NECAB2: variants seen among roughly 807,000 people sequenced by gnomAD.
The protein encoded by NECAB2 is N-terminal EF-hand calcium-binding protein 2.
NECAB2 carries 68 observed loss-of-function variants against 51.9 expected under a neutral mutation model. The observed-to-expected ratio is 1.31, with a 90% CI of 1.08 to 1.60. The LOEUF is 1.60. Among genes scored for constraint, NECAB2 ranks in the 40% most tolerant of loss-of-function variants. The pLI is 0.00. For synonymous variants in NECAB2, 329 were observed against 203.5 expected (o/e 1.62, Z -5.25); for missense variants, 854 against 490.3 (o/e 1.74, Z -7.00).
rs749491181 is a variant in NECAB2 at position 83,990,623 on chromosome 16, C to G, written c.589C>G (p.Gln197Glu). 5.6e-6 allele frequency: 9 copies of G among 1,614,060 alleles called. No individual in the cohort carries two copies. In the South Asian group the frequency reaches 8.8e-5, roughly 16 times the overall value. ...GGAGGCCATCGAGGAACAGACCAGC[C>G]AGCTCCGGTGAGTCTCTGAGACCCT... The part of the protein sequence containing the change: ...AVEAIEEQTS[Q>E]LRQNHIKPSH... The change falls in exon 6 of 13, where the codon CAG becomes GAG. Residue 197 changes from glutamine to glutamate, a missense_variant. Transcript: ENST00000305202.
At chr16:84,000,847 TGG>T (rs747782849) in intron 11 of NECAB2, 46 bp downstream of exon 11, 4 of 1,384,670 alleles carry the variant, frequency 2.9e-6, no homozygotes, top group South Asian at 2.5e-5. Flanking sequence ...CAGAGGGAAG[TGG>T]GGGGGCTGTC....
chr16:84,000,514 TAATA>T (rs2084808367), intron 10 of NECAB2, among the ~76,000 whole-genome samples: 1 of 152,292 alleles, frequency 6.6e-6, no homozygotes, highest in South Asian at 2.1e-4. Flanking sequence ...TGATTCTATT[TAATA>T]AATAGCTGTT....
intron 11 of NECAB2, 49 bp downstream of exon 11, chr16:84,000,850 G>T (rs777930590): frequency 3.2e-6 from 5 of 1,583,668 alleles, no homozygotes; most frequent in South Asian, 1.1e-5. Flanking sequence ...AGGGAAGTGG[G>T]GGGGCTGTCT....
upstream of NECAB2, among the ~76,000 whole-genome samples, chr16:83,967,533 G>A (rs1422089039): frequency 7.4e-6 from 1 of 135,444 alleles, no homozygotes; most frequent in African/African-American, 2.8e-5. Flanking sequence ...GGATGGATGG[G>A]AGGGAGGGAG....
At chr16:84,002,028 G>A (rs947201190) in intron 12 of NECAB2, 112 bp downstream of exon 12, 2 of 1,245,558 alleles carry the variant, frequency 1.6e-6, no homozygotes, top group Admixed American at 2.0e-5. Flanking sequence ...TGGGCCCACT[G>A]TCAGCTCCTG....
At chr16:83,977,308 G>T (rs1303847188) in intron 2 of NECAB2, among the ~76,000 whole-genome samples, 3 of 152,116 alleles carry the variant, frequency 2.0e-5, no homozygotes, top group Admixed American at 6.5e-5. Flanking sequence ...GAGGAGGGGG[G>T]AGGTGGCTGC....
intron 5 of NECAB2, among the ~76,000 whole-genome samples, chr16:83,989,528 C>T (rs911310422): frequency 6.6e-6 from 1 of 152,136 alleles, no homozygotes; most frequent in African/African-American, 2.4e-5. Context: ...AGGGACTGGG[C>T]AGAAATCCAA....
intron 2 of NECAB2, among the ~76,000 whole-genome samples, chr16:83,973,197 C>T (rs2084367878): frequency 6.6e-6 from 1 of 152,270 alleles, no homozygotes; most frequent in African/African-American, 2.4e-5. Flanking sequence ...CCCCAGGGCC[C>T]TTGGTCCCCA....
rs1419106510 is a variant in NECAB2, at chr16:83,968,722, G to C, written c.74G>C (p.Arg25Pro). ...CTCCGGGAGCCGCCGCAGCAGGGCC[G>C]GGCGCTGGGCGGGCTGCTGCGCTGG... is the stretch of plus-strand genomic sequence containing the variant. ...RLLREPPQQG[R>P]ALGGLLRWVG... The change falls in exon 1 of 13, where the codon CGG (arginine) becomes CCG (proline). Residue 25 changes from arginine to proline, a missense_variant. Physicochemically the swap from Arg to Pro is moderately radical, Grantham distance 103 (BLOSUM62 -2). Transcript: ENST00000305202. 3.9e-6 allele frequency: 4 copies of C among 1,025,772 alleles called. No individual in the cohort carries two copies. The highest frequency in any genetic ancestry group is 4.7e-6 in the Non-Finnish European group (4 of 858,486). 63.5% of individuals were successfully genotyped at this position (1,025,772 alleles called of 1,614,324 possible). A position where few individuals can be genotyped will look rare whatever the true frequency, so the allele number is the denominator to read the frequency against.
chr16:84,002,328 C>T lies in NECAB2; in HGVS notation c.1143C>T (p.Cys381=). Residue 381 remains cysteine, a synonymous_variant, in exon 13 of 13, where the codon TGC becomes TGT. Coordinates refer to ENST00000305202, the MANE Select transcript of NECAB2 (RefSeq NM_019065.3). ...LSRILVPAAW[C]TVGRD ...TCTCTCTCCTTTTAGCTGCTTGGTG[C>T]ACGGTGGGACGGGACTGACAGCCTC... 6.2e-7 allele frequency: 1 copy of T among 1,613,978 alleles called. No individual in the cohort carries two copies. Among genetic ancestry groups the T allele is most frequent in the African/African-American group, 1.3e-5 (1 of 75,044 alleles).
At chr16:83,985,042 G>A (rs997019805) in intron 5 of NECAB2, among the ~76,000 whole-genome samples, 1 of 152,184 alleles carries the variant, frequency 6.6e-6, no homozygotes, top group Non-Finnish European at 1.5e-5. Context: ...GCTGGGTGCA[G>A]TGGCTCACGC....
At chr16:83,972,268 TGAACC>T in intron 2 of NECAB2, 93 bp downstream of exon 2, 1 of 1,581,716 alleles carries the variant, frequency 6.3e-7, no homozygotes, top group Non-Finnish European at 8.7e-7. Context: ...AGCGCAACCT[TGAACC>T]TAAAGGTTTG....
At chr16:83,989,056 C>G (rs1043040549) in intron 5 of NECAB2, among the ~76,000 whole-genome samples, 1 of 152,320 alleles carries the variant, frequency 6.6e-6, no homozygotes, top group Middle Eastern at 3.4e-3. Context: ...AGTCACTGGT[C>G]CGGGTGCTTT....
intron 6 of NECAB2, 110 bp from the exon 7 acceptor site, chr16:83,994,192 C>T (rs2084663717): frequency 4.2e-6 from 4 of 957,434 alleles, no homozygotes; most frequent in Non-Finnish European, 6.6e-6. Flanking sequence ...AAGTTCTGTG[C>T]ATGTGTGAGT....
At chr16:83,975,240 G>A (rs188741361) in intron 2 of NECAB2, among the ~76,000 whole-genome samples, 20 of 140,780 alleles carry the variant, frequency 1.4e-4, no homozygotes, top group Admixed American at 1.3e-3. Context: ...GTGTTGGTGC[G>A]GGAATGTGAA....
chr16:83,986,679 ATTTTTTT>A (rs113038465), intron 5 of NECAB2, among the ~76,000 whole-genome samples: 5 of 135,108 alleles, frequency 3.7e-5, no homozygotes, highest in South Asian at 2.4e-4. Context: ...CTCACGGCAA[ATTTTTTT>A]TTTTTTTTTT....
chr16:83,967,135 G>C (rs1043026464), upstream of NECAB2, among the ~76,000 whole-genome samples: 2 of 152,208 alleles, frequency 1.3e-5, no homozygotes, highest in African/African-American at 2.4e-5. Context: ...GCTCCCCAAA[G>C]TGTTGGTATC....
intron 11 of NECAB2, 33 bp downstream of exon 11, chr16:84,000,834 A>AGAC: frequency 7.1e-7 from 1 of 1,406,136 alleles, no homozygotes; most frequent in Non-Finnish European, 9.8e-7. Context: ...CAGGTGAGGG[A>AGAC]GACAGAGGGA....
chr16:83,980,043 C>A (rs550372052), intron 3 of NECAB2, among the ~76,000 whole-genome samples: 6 of 152,224 alleles, frequency 3.9e-5, no homozygotes, highest in Admixed American at 1.3e-4. Flanking sequence ...AGTGCAGATT[C>A]ACTGGGCCAC....
Sources: allele counts gnomAD v4.1 joint callset (sites outside exome capture counted in the v4.1 genomes callset), GRCh38; gene constraint gnomAD v4.1.1; transcripts MANE v1.5; gene names NCBI Gene and HGNC (gene_info 2026-07-23, HGNC 2026-07-21).